Variants in CCDC7 observed in about 807,000 individuals in gnomAD.
CCDC7 encodes the protein coiled-coil domain-containing protein 7.
Under a neutral mutation model 196.9 loss-of-function variants are expected in CCDC7, and 183 were observed. That is an observed-to-expected ratio of 0.93 (90% CI 0.82 to 1.05). The LOEUF is 1.05. Among genes scored for constraint, CCDC7 ranks in the 50% least tolerant of loss-of-function variants. The pLI, the probability that CCDC7 is intolerant of heterozygous loss-of-function variation, is 0.00. For missense variants in CCDC7, 1,540 were observed against 1,482.2 expected, an observed-to-expected ratio of 1.04 and a Z score of -0.64; for synonymous variants, 525 against 484.6, an observed-to-expected ratio of 1.08 and a Z score of -1.10.
At chr10:32,666,864 G>C (rs373998462) in intron 21 of CCDC7, among the ~76,000 whole-genome samples, 1 of 152,122 alleles carries the variant, frequency 6.6e-6, no homozygotes, top group Non-Finnish European at 1.5e-5. Flanking sequence ...ATAGCAGCAT[G>C]ATTTATAATC....
intron 20 of CCDC7, among the ~76,000 whole-genome samples, chr10:32,660,371 T>A (rs866556148): frequency 2.2e-5 from 3 of 139,164 alleles, no homozygotes; most frequent in Non-Finnish European, 4.6e-5. Flanking sequence ...TGAGAATATG[T>A]GGTGTTTGGT....
chr10:32,462,164 C>T (rs117585101), intron 3 of CCDC7, among the ~76,000 whole-genome samples: 2,297 of 152,166 alleles, frequency 0.015, 135 homozygotes, highest in Admixed American at 0.12. Context: ...CATGATGGCT[C>T]ATGCTCAGTG....
chr10:32,671,763 C>T (rs753518466), intron 21 of CCDC7, among the ~76,000 whole-genome samples: 169 of 152,156 alleles, frequency 1.1e-3, no homozygotes, highest in Non-Finnish European at 1.5e-3. Flanking sequence ...GGTGTGAGGG[C>T]GCTTGCTGGG....
In CCDC7 at chr10:32,462,788, G is replaced by A. The variant is rs2036002776; in HGVS notation, c.477+85G>A. ...TGAAGAAGAGGTTTCTAAATTTTAA[G>A]GGAGTAGAAGGAATTCCATACTTGC... On this transcript the variant is annotated intron_variant, in intron 4 of 41. Coordinates refer to ENST00000639629, the Ensembl canonical transcript of CCDC7. The A allele has an allele frequency of 1.1e-5, 14 of 1,324,146 alleles. No individual in the cohort carries two copies. In the South Asian group the frequency reaches 1.8e-4, roughly 17 times the overall value. 82.0% of individuals were successfully genotyped at this position (1,324,146 alleles called of 1,614,324 possible). A position where few individuals can be genotyped will look rare whatever the true frequency, so the allele number is the denominator to read the frequency against.
chr10:32,458,898 A>G (rs542794611), intron 3 of CCDC7, among the ~76,000 whole-genome samples: 2 of 152,240 alleles, frequency 1.3e-5, no homozygotes, highest in African/African-American at 4.8e-5. Flanking sequence ...CAGTATTAAT[A>G]TTAATTCTTC....
intron 18 of CCDC7, among the ~76,000 whole-genome samples, chr10:32,588,278 G>A (rs1334245933): frequency 6.6e-6 from 1 of 152,162 alleles, no homozygotes; most frequent in African/African-American, 2.4e-5. Flanking sequence ...AGGTATATTA[G>A]GTGTGGGTTT....
intron 39 of CCDC7, among the ~76,000 whole-genome samples, 178 bp downstream of exon 40, chr10:32,848,896 T>C (rs751015118): frequency 6.6e-6 from 1 of 152,140 alleles, no homozygotes; most frequent in Non-Finnish European, 1.5e-5. Context: ...GGCAGCATGA[T>C]ACTTCATAGT....
chr10:32,628,272 T>C (rs922401844), intron 18 of CCDC7, among the ~76,000 whole-genome samples: 13 of 151,906 alleles, frequency 8.6e-5, no homozygotes, highest in Non-Finnish European at 1.6e-4. Context: ...TTTCTAGGAG[T>C]TTATTCATTT....
intron 18 of CCDC7, among the ~76,000 whole-genome samples, chr10:32,604,681 T>A (rs1399802014): frequency 6.6e-6 from 1 of 152,210 alleles, no homozygotes; most frequent in African/African-American, 2.4e-5. Context: ...CTTTTTCTTA[T>A]AGCTATTTAA....
chr10:32,679,473 C>A (rs954988818), intron 21 of CCDC7, among the ~76,000 whole-genome samples: 1 of 152,122 alleles, frequency 6.6e-6, no homozygotes, highest in African/African-American at 2.4e-5. Flanking sequence ...CTTGTAACCC[C>A]ATAGTTGGAT....
chr10:32,843,062 C>G (rs949716723), intron 33 of CCDC7, among the ~76,000 whole-genome samples: 2 of 151,788 alleles, frequency 1.3e-5, no homozygotes, highest in African/African-American at 4.8e-5. Context: ...AACCAAACAC[C>G]ACCTGTTCCC....
rs566441984 is a variant in CCDC7 at position 32,462,910 on chromosome 10, G to A, written c.478-107G>A. 79 of 1,509,718 alleles carry A rather than the reference G, an allele frequency of 5.2e-5. 1 individual carries two copies. Among genetic ancestry groups the A allele is most frequent in the South Asian group, 4.0e-4 (33 of 82,728 alleles). 93.5% of individuals were successfully genotyped at this position (1,509,718 alleles called of 1,614,324 possible). A position where few individuals can be genotyped will look rare whatever the true frequency, so the allele number is the denominator to read the frequency against. On this transcript the variant is annotated intron_variant, in intron 4 of 41. Coordinates refer to ENST00000639629, the Ensembl canonical transcript of CCDC7. ...TTTCGGTCAGGGCTGATATTTGATG[G>A]ATGAAGATTCAGAGACACAGACACA... is the stretch of plus-strand genomic sequence containing the variant.
downstream of CCDC7, among the ~76,000 whole-genome samples, chr10:32,879,311 A>G (rs2094704805): frequency 6.6e-6 from 1 of 152,202 alleles, no homozygotes; most frequent in African/African-American, 2.4e-5. Flanking sequence ...AGAAAATTCC[A>G]TACAGTATCT....
At chr10:32,735,360 T>G (rs1401445216) in intron 28 of CCDC7, among the ~76,000 whole-genome samples, 1 of 152,214 alleles carries the variant, frequency 6.6e-6, no homozygotes, top group Non-Finnish European at 1.5e-5. Flanking sequence ...CCAGTTTTTG[T>G]GTTTTTAATG....
chr10:32,725,928 A>C (rs1247979930), intron 25 of CCDC7, among the ~76,000 whole-genome samples: 1 of 152,174 alleles, frequency 6.6e-6, no homozygotes, highest in Non-Finnish European at 1.5e-5. Flanking sequence ...TATGTAAAAC[A>C]TTAACCTACT....
intron 29 of CCDC7, among the ~76,000 whole-genome samples, chr10:32,797,250 T>C (rs959000197): frequency 1.3e-5 from 2 of 150,986 alleles, no homozygotes. Context: ...TATGCGTATA[T>C]ATATGTGTGT....
At chr10:32,617,076 T>C (rs1406420630) in intron 18 of CCDC7, among the ~76,000 whole-genome samples, 2 of 151,822 alleles carry the variant, frequency 1.3e-5, no homozygotes, top group Non-Finnish European at 3.0e-5. Context: ...AGTTTGTGAG[T>C]GTAGAGTTGT....
At chr10:32,665,705 T>C (rs561057136) in intron 21 of CCDC7, among the ~76,000 whole-genome samples, 3 of 152,202 alleles carry the variant, frequency 2.0e-5, no homozygotes, top group South Asian at 2.1e-4. Flanking sequence ...TTCAGCGTCT[T>C]TTATGGTTAC....
At chr10:32,798,907 T>C (rs910136381) in intron 29 of CCDC7, among the ~76,000 whole-genome samples, 1 of 152,106 alleles carries the variant, frequency 6.6e-6, no homozygotes, top group Non-Finnish European at 1.5e-5. Context: ...CCACTGATCA[T>C]AGGGAACTCC....
Sources: allele counts gnomAD v4.1 joint callset (sites outside exome capture counted in the v4.1 genomes callset), GRCh38; gene constraint gnomAD v4.1.1; transcripts MANE v1.5; gene names NCBI Gene and HGNC (gene_info 2026-07-23, HGNC 2026-07-21).